Variants in CHST15 observed in about 807,000 individuals in gnomAD.
The protein encoded by CHST15 is B cell RAG associated protein (GALNAC4S-6ST).
A neutral mutation model predicts 53.6 loss-of-function variants in CHST15; 30 were observed. That is an observed-to-expected ratio of 0.56 (90% CI 0.42 to 0.76). CHST15 has a LOEUF of 0.76. CHST15 is among the 30% of genes least tolerant of loss of function. The pLI, the probability that CHST15 is intolerant of heterozygous loss-of-function variation, is 0.00. For missense variants in CHST15, 627 were observed against 740.5 expected, an observed-to-expected ratio of 0.85 and a Z score of 1.78; for synonymous variants, 296 against 289.8, an observed-to-expected ratio of 1.02 and a Z score of -0.22.
intron 1 of CHST15, among the ~76,000 whole-genome samples, chr10:124,063,053 A>G (rs140466745): frequency 3.9e-4 from 59 of 152,054 alleles, no homozygotes; most frequent in Non-Finnish European, 8.1e-4. Flanking sequence ...CCAGGAGGCA[A>G]AGAGAGAGAG....
intron 1 of CHST15, among the ~76,000 whole-genome samples, chr10:124,071,510 T>C (rs1462585931): frequency 6.6e-6 from 1 of 152,216 alleles, no homozygotes; most frequent in Non-Finnish European, 1.5e-5. Flanking sequence ...AGCCCATACC[T>C]AGGTTAAATG....
rs1949018639 is a variant in CHST15 at position 124,074,643 on chromosome 10, C to A, written c.-513+18826G>T. 6.6e-6 allele frequency among the ~76,000 whole-genome samples: 1 copy of A among 152,194 alleles called. No homozygotes were observed. The highest frequency in any genetic ancestry group is 2.1e-4 in the South Asian group (1 of 4,834). ...CATTATGACCTGGAGCTCTCCAATG[C>A]ACCCCGCGCCTCTGCCAGACTGGGC... On this transcript the variant is annotated intron_variant, in intron 1 of 7. Transcript: ENST00000435907. This position sits in a 1 kb window ranked among gnomAD's most constrained non-coding sequence, Gnocchi z 4.4.
At position 124,021,240 on chromosome 10, in the gene CHST15, G is replaced by GT. The variant is rs757304955; in HGVS notation, c.1347+15_1347+16insA. The GT allele has an allele frequency of 5.8e-6, 9 of 1,563,330 alleles. No individual in the cohort carries two copies. Among genetic ancestry groups the GT allele is most frequent in the African/African-American group, 4.3e-5 (3 of 69,396 alleles). ...CAGGGGCCAGCTCGGGGGGTACGGG[G>GT]GGGGGGGGTACACACAGGCATGGCG... On this transcript the variant is annotated intron_variant, in intron 6 of 7. Transcript: ENST00000435907.
Position 124,007,847 on chromosome 10 carries a change from C to A in CHST15, c.*2302G>T. On this transcript the variant is annotated 3_prime_UTR_variant, in exon 8 of 8. Coordinates refer to ENST00000435907, the MANE Select transcript of CHST15 (RefSeq NM_001270764.2). ...TGAGAACAAAAAGGAACTTCAATAC[C>A]ATGTTGTGAGAAATGCTCCAATTTG... The A allele has an allele frequency of 8.1e-7, 1 of 1,232,074 alleles. No homozygotes were observed. The highest frequency in any genetic ancestry group is 4.1e-5 in the South Asian group (1 of 24,314). 76.3% of individuals were successfully genotyped at this position (1,232,074 alleles called of 1,614,324 possible).
chr10:124,082,071 G>A (rs985002406), intron 1 of CHST15, among the ~76,000 whole-genome samples: 6 of 152,116 alleles, frequency 3.9e-5, no homozygotes, highest in Non-Finnish European at 8.8e-5. Context: ...GAGATGTTCT[G>A]GGCCTCGGAC....
intron 3 of CHST15, 37 bp downstream of exon 3, chr10:124,044,543 A>G: frequency 2.1e-6 from 3 of 1,438,140 alleles, no homozygotes. Context: ...GAATGAAGGA[A>G]CGAGACCAGA....
chr10:124,040,100 A>C (rs1947679869), intron 4 of CHST15, among the ~76,000 whole-genome samples: 1 of 152,194 alleles, frequency 6.6e-6, no homozygotes, highest in South Asian at 2.1e-4. Context: ...ACTCACAATG[A>C]ATAAGAATAT....
At chr10:124,020,543 G>A (rs1382711474) in intron 6 of CHST15, 1 of 985,578 alleles carries the variant, frequency 1.0e-6, no homozygotes, top group Non-Finnish European at 1.2e-6. Flanking sequence ...GGGCTTCCAA[G>A]ACTCCACAGC....
intron 1 of CHST15, among the ~76,000 whole-genome samples, chr10:124,077,183 A>G (rs1949103053): frequency 6.6e-6 from 1 of 152,228 alleles, no homozygotes; most frequent in Admixed American, 6.5e-5. Flanking sequence ...AGATACTTAG[A>G]GAACGGCATT....
At chr10:124,018,999 T>C (rs1946679091) in intron 6 of CHST15, among the ~76,000 whole-genome samples, 1 of 152,186 alleles carries the variant, frequency 6.6e-6, no homozygotes, top group Non-Finnish European at 1.5e-5. Context: ...AACCTCGGCA[T>C]TTGACCCATA....
In CHST15 at chr10:124,044,840, G is replaced by A. The variant is rs1590257270; in HGVS notation, c.626C>T (p.Thr209Ile). ...GGAGTTGGTGAGGTAGGGGTCGGTG[G>A]TGTTCTGCCCCGAGAACTCCTCGTA... ...CWYEEFSGQN[T>I]TDPYLTNSYV... Residue 209 changes from threonine to isoleucine, a missense_variant, in exon 3 of 8, where the codon ACC becomes ATC. This residue lies in a region of CHST15 where 161 missense variants were observed against 117.2 expected (regional missense o/e 1.37). Transcript: ENST00000435907. 2 of 1,547,368 alleles carry A rather than the reference G, an allele frequency of 1.3e-6. No individual in the cohort carries two copies. Among genetic ancestry groups the A allele is most frequent in the Non-Finnish European group, 1.7e-6 (2 of 1,143,974 alleles).
chr10:124,086,274 C>A (rs897862380), intron 1 of CHST15, among the ~76,000 whole-genome samples: 1 of 152,228 alleles, frequency 6.6e-6, no homozygotes, highest in African/African-American at 2.4e-5. Context: ...CCATTGACCA[C>A]CCTCCAACCG....
At chr10:124,065,658 C>T (rs1948732022) in intron 1 of CHST15, among the ~76,000 whole-genome samples, 1 of 152,180 alleles carries the variant, frequency 6.6e-6, no homozygotes, top group Non-Finnish European at 1.5e-5. Context: ...TACGGCAGCT[C>T]ATTCCCACCA....
rs1358545317 is a variant in CHST15 at position 124,008,953 on chromosome 10, T to G, written c.*1196A>C. 2 of 1,288,992 alleles carry G rather than the reference T, an allele frequency of 1.6e-6. No individual in the cohort carries two copies. The highest frequency in any genetic ancestry group is 3.0e-5 in the African/African-American group (2 of 65,844). 79.8% of individuals were successfully genotyped at this position (1,288,992 alleles called of 1,614,324 possible). A position where few individuals can be genotyped will look rare whatever the true frequency, so the allele number is the denominator to read the frequency against. ...TGGAAAATTCCATGAAGAACACGGC[T>G]CTTAGAAACCTCATTCCAAATCTCA... On this transcript the variant is annotated 3_prime_UTR_variant, in exon 8 of 8. Coordinates refer to ENST00000435907, the MANE Select transcript of CHST15 (RefSeq NM_001270764.2).
intron 4 of CHST15, among the ~76,000 whole-genome samples, chr10:124,040,502 G>A (rs1353248145): frequency 1.3e-5 from 2 of 152,210 alleles, no homozygotes; most frequent in Non-Finnish European, 2.9e-5. Flanking sequence ...AACCTCTTGT[G>A]TGACTCTAGC....
chr10:124,071,245 G>A (rs1948904188), intron 1 of CHST15, among the ~76,000 whole-genome samples: 1 of 152,202 alleles, frequency 6.6e-6, no homozygotes, highest in South Asian at 2.1e-4. Context: ...TGGAGGGAAC[G>A]GGCAGTTTCC....
At chr10:124,048,741 C>T (rs1459419153) in intron 1 of CHST15, among the ~76,000 whole-genome samples, 1 of 152,210 alleles carries the variant, frequency 6.6e-6, no homozygotes, top group Admixed American at 6.5e-5. Context: ...TCGCACCCTC[C>T]TGTCTTTCTG....
intron 6 of CHST15, chr10:124,020,194 C>G (rs761059830): frequency 3.0e-6 from 3 of 985,590 alleles, no homozygotes; most frequent in Non-Finnish European, 3.6e-6. Flanking sequence ...CCCATCACAA[C>G]AGCCTGGTAC....
At chr10:124,047,885 T>C (rs982361855) in intron 1 of CHST15, among the ~76,000 whole-genome samples, 8 of 152,230 alleles carry the variant, frequency 5.3e-5, no homozygotes, top group Non-Finnish European at 1.0e-4. Flanking sequence ...GATTATTCTT[T>C]AGCAATTGAA....
Sources: gnomAD v4.1 joint callset for allele counts (sites outside exome capture counted in the v4.1 genomes callset) on GRCh38, gnomAD v4.1.1 for gene constraint, gnomAD v4.1.1 regional missense constraint, Gnocchi (gnomAD v3.1) non-coding constraint, MANE v1.5 for transcripts, NCBI Gene and HGNC (gene_info 2026-07-23, HGNC 2026-07-21) for gene names.